APOL3: variants seen among roughly 807,000 people sequenced by gnomAD.
APOL3 encodes TNF-inducible protein CG12-1.
APOL3 carries 14 observed loss-of-function variants against 11.6 expected under a neutral mutation model. That is an observed-to-expected ratio of 1.21 (90% confidence interval 0.80 to 1.89). The LOEUF (loss-of-function observed/expected upper bound fraction) is 1.89, where lower values mean the gene tolerates loss of function less well. Among genes scored for constraint, APOL3 ranks in the 40% most tolerant of loss-of-function variants. The probability of loss-of-function intolerance (pLI) is 0.00; values close to 1 mark genes in which losing one functional copy is unlikely to be tolerated. For synonymous variants in APOL3, 192 were observed against 190.6 expected, an observed-to-expected ratio of 1.01 and a Z score of -0.06; for missense variants, 483 against 492.1, an observed-to-expected ratio of 0.98 and a Z score of 0.17.
chr22:36,152,893 G>C (rs56285319), intron 1 of APOL3, among the ~76,000 whole-genome samples: 7,662 of 152,272 alleles, frequency 0.05, 199 homozygotes, highest in Middle Eastern at 0.095. Flanking sequence ...TGGATCACCT[G>C]AGGTTGGGAG....
At chr22:36,145,754 C>T (rs932110351) in intron 1 of APOL3, among the ~76,000 whole-genome samples, 155 bp from the exon 3 acceptor site, 2 of 152,064 alleles carry the variant, frequency 1.3e-5, no homozygotes, top group African/African-American at 4.8e-5. Context: ...GTTGTGTGCC[C>T]TCCAAATTCA....
chr22:36,165,120 A>G (rs950130770), upstream of APOL3: 1 of 152,054 alleles, frequency 6.6e-6, no homozygotes, highest in Non-Finnish European at 1.5e-5. Context: ...TACACGCTCA[A>G]TCTGGTAAAA....
intron 1 of APOL3, 182 bp from the exon 2 acceptor site, chr22:36,149,324 C>T (rs2060341326): frequency 1.5e-6 from 2 of 1,306,226 alleles, no homozygotes; most frequent in African/African-American, 1.5e-5. Flanking sequence ...TCTACTTGCT[C>T]CAGCTCCCTC....
At chr22:36,153,348 C>T (rs1006745572) in intron 1 of APOL3, 5 of 455,470 alleles carry the variant, frequency 1.1e-5, no homozygotes, top group Non-Finnish European at 2.2e-5. Flanking sequence ...TGAGCAAGTG[C>T]CAAAGAGAAA....
At chr22:36,141,141 T>C in exon 3 of APOL3, 1 of 1,552,530 alleles carries the variant, frequency 6.4e-7, no homozygotes, top group Non-Finnish European at 8.7e-7. Context: ...ATAAAATGCC[T>C]GCATTTTGTC....
At chr22:36,143,913 G>A (rs993025137) in intron 2 of APOL3, among the ~76,000 whole-genome samples, 1 of 152,232 alleles carries the variant, frequency 6.6e-6, no homozygotes, top group African/African-American at 2.4e-5. Context: ...CAAGATGATA[G>A]AGAAAGTGTT....
chr22:36,146,040 C>T (rs59013601), intron 1 of APOL3: 2,073 of 152,510 alleles, frequency 0.014, 39 homozygotes, highest in African/African-American at 0.046. Flanking sequence ...CACATACACC[C>T]CCCACACTGG....
intron 2 of APOL3, among the ~76,000 whole-genome samples, chr22:36,142,433 T>C (rs2060032368): frequency 6.6e-6 from 1 of 152,150 alleles, no homozygotes; most frequent in Non-Finnish European, 1.5e-5. Context: ...CAAAAAGACC[T>C]TCATTCAGAG....
intron 1 of APOL3, chr22:36,149,677 T>G (rs1044627207): frequency 5.5e-6 from 2 of 363,074 alleles, no homozygotes; most frequent in African/African-American, 4.3e-5. Context: ...GTTTTCACAA[T>G]AGGGGTAGAG....
rs1358499628 is a variant in APOL3, at chr22:36,160,658, C to T, written c.223+11G>A. Reference sequence around the variant, plus strand: ...GGGGAGATGGGGAAGGTCAGACCACCCCTAACTTACCAAGGAAGCTTCTCT... The same window carrying T: ...GGGGAGATGGGGAAGGTCAGACCACTCCTAACTTACCAAGGAAGCTTCTCT... On this transcript the variant is annotated intron_variant, in intron 1 of 2. Coordinates refer to ENST00000349314, the Ensembl canonical transcript of APOL3. 8 of 1,613,794 alleles carry T rather than the reference C, an allele frequency of 5.0e-6. No homozygotes were observed. The highest frequency in any genetic ancestry group is 5.1e-6 in the Non-Finnish European group (6 of 1,179,972).
At chr22:36,141,301 C>A (rs1307340296) in exon 3 of APOL3, 3 of 1,614,186 alleles carry the variant, frequency 1.9e-6, no homozygotes, top group Non-Finnish European at 2.5e-6. Flanking sequence ...TCAGCAGATG[C>A]AGACTTTGCC....
At chr22:36,149,301 T>C (rs896026911) in intron 1 of APOL3, 159 bp from the exon 2 acceptor site, 3 of 1,305,964 alleles carry the variant, frequency 2.3e-6, no homozygotes, top group Non-Finnish European at 3.0e-6. Context: ...AGCCAGCTGG[T>C]ATTTAGAGAA....
At chr22:36,163,698 G>A (rs545437026), upstream of APOL3, among the ~76,000 whole-genome samples, 2 of 152,336 alleles carry the variant, frequency 1.3e-5, no homozygotes, top group African/African-American at 4.8e-5. Flanking sequence ...TAAAGAGCAG[G>A]GGACACTCTC....
chr22:36,160,797 C>T, exon 1 of APOL3: 1 of 1,613,962 alleles, frequency 6.2e-7, no homozygotes, highest in Non-Finnish European at 8.5e-7. Flanking sequence ...ACCCTGGAAC[C>T]CAAAAGGGAA....
intron 1 of APOL3, chr22:36,154,447 A>T (rs1207041904): frequency 5.4e-6 from 2 of 370,660 alleles, no homozygotes; most frequent in East Asian, 1.5e-4. Context: ...AAATGCAAAG[A>T]CTTATCGTAA....
At chr22:36,149,985 T>A (rs777025116) in intron 1 of APOL3, 9 of 418,522 alleles carry the variant, frequency 2.2e-5, no homozygotes, top group East Asian at 7.1e-5. Context: ...TAAAAAAAAA[T>A]TTTTTTTAGA....
intron 1 of APOL3, chr22:36,154,471 A>C: frequency 2.6e-6 from 1 of 385,368 alleles, no homozygotes; most frequent in Non-Finnish European, 5.3e-6. Flanking sequence ...AGAATGTTTA[A>C]TTGTTAATTG....
upstream of APOL3, among the ~76,000 whole-genome samples, chr22:36,164,433 A>G (rs2013808638): frequency 6.6e-6 from 1 of 152,182 alleles, no homozygotes; most frequent in Admixed American, 6.5e-5. Flanking sequence ...CTGTAATACT[A>G]TCTGACTAAG....
chr22:36,145,691 A>G (rs1279725040), intron 1 of APOL3, 92 bp from the exon 3 acceptor site: 8 of 1,504,562 alleles, frequency 5.3e-6, no homozygotes, highest in Non-Finnish European at 7.2e-6. Flanking sequence ...AATCCTCCTC[A>G]ACCAGCTGTC....
Sources: allele counts gnomAD v4.1 joint callset (sites outside exome capture counted in the v4.1 genomes callset), GRCh38; gene constraint gnomAD v4.1.1; transcripts MANE v1.5; gene names NCBI Gene and HGNC (gene_info 2026-07-23, HGNC 2026-07-21).